The following ZCCHC14 variants were observed in gnomAD, a reference collection of about 807,000 sequenced individuals.
ZCCHC14 encodes zinc finger CCHC domain-containing protein 14.
In ZCCHC14, 16 loss-of-function variants were observed where a neutral mutation model predicts 85.0. That is an observed-to-expected ratio of 0.19 (90% CI 0.13 to 0.29). ZCCHC14 has a LOEUF of 0.29. Among genes scored for constraint, ZCCHC14 ranks in the 10% least tolerant of loss-of-function variants. The probability of loss-of-function intolerance (pLI) is 1.00; values close to 1 mark genes in which losing one functional copy is unlikely to be tolerated. For synonymous variants in ZCCHC14, 775 were observed against 630.7 expected (o/e 1.23, Z -3.43); for missense variants, 1,303 against 1,443.5 (o/e 0.90, Z 1.58).
At chr16:87,467,915 T>G (rs1168658696) in intron 1 of ZCCHC14, among the ~76,000 whole-genome samples, 1 of 152,170 alleles carries the variant, frequency 6.6e-6, no homozygotes, top group Non-Finnish European at 1.5e-5. Flanking sequence ...CCTCCCAAAG[T>G]GCTGGGATTA....
chr16:87,467,282 C>A (rs1295569303), intron 1 of ZCCHC14: 7 of 1,578,418 alleles, frequency 4.4e-6, no homozygotes, highest in Non-Finnish European at 6.1e-6. Flanking sequence ...TAATGGAGAT[C>A]TGGTTTTTAT....
intron 2 of ZCCHC14, 73 bp downstream of exon 2, chr16:87,459,935 C>T (rs1911172197): frequency 1.3e-6 from 2 of 1,594,702 alleles, no homozygotes; most frequent in South Asian, 2.2e-5. Context: ...TTTAACAATG[C>T]CCTCACGGGG....
At chr16:87,476,103 G>C (rs1911993468) in intron 1 of ZCCHC14, among the ~76,000 whole-genome samples, 1 of 152,148 alleles carries the variant, frequency 6.6e-6, no homozygotes, top group African/African-American at 2.4e-5. Context: ...TGCCAACAAA[G>C]GACCTCACGT....
At chr16:87,483,869 T>C (rs991751175) in intron 1 of ZCCHC14, among the ~76,000 whole-genome samples, 94 of 152,226 alleles carry the variant, frequency 6.2e-4, no homozygotes, top group Non-Finnish European at 1.8e-4. Flanking sequence ...CTGCTGTCTG[T>C]AACATGTAGG....
Position 87,412,010 on chromosome 16 carries a change from T to C in ZCCHC14, c.2711A>G (p.His904Arg). The change falls in exon 12 of 13, where the codon CAC becomes CGC. Residue 904 changes from histidine to arginine, a missense_variant. Physicochemically the swap from His to Arg is conservative, Grantham distance 29. Around this residue, in one of 7 missense-constraint regions of ZCCHC14, gnomAD observed 797 missense variants for 730.8 expected, o/e 1.09. Coordinates refer to ENST00000671377, the MANE Select transcript of ZCCHC14 (RefSeq NM_015144.3). ...PASNPNHHHH[H>R]HHQQPPAPPQ... Reference sequence around the variant, plus strand: ...GGGTGCCGGGGGCTGCTGATGGTGGTGGTGGTGGTGGTGGTTCGGATTCGA... The same window carrying C: ...GGGTGCCGGGGGCTGCTGATGGTGGCGGTGGTGGTGGTGGTTCGGATTCGA... 3 of 1,608,850 alleles carry C rather than the reference T, an allele frequency of 1.9e-6. No homozygotes were observed. Among genetic ancestry groups the C allele is most frequent in the Non-Finnish European group, 2.5e-6 (3 of 1,179,718 alleles).
intron 2 of ZCCHC14, among the ~76,000 whole-genome samples, chr16:87,459,751 C>T (rs1200088872): frequency 2.6e-5 from 4 of 152,066 alleles, no homozygotes; most frequent in African/African-American, 9.7e-5. Context: ...TCAGGTGATC[C>T]GCCCACCTCA....
chr16:87,424,021 A>G, intron 3 of ZCCHC14, 140 bp from the exon 4 acceptor site: 1 of 762,756 alleles, frequency 1.3e-6, no homozygotes, highest in Non-Finnish European at 2.1e-6. Context: ...GGAAGCACCT[A>G]AGCATCCCTT....
intron 3 of ZCCHC14, among the ~76,000 whole-genome samples, chr16:87,432,556 TC>T: frequency 6.6e-6 from 1 of 152,202 alleles, no homozygotes; most frequent in East Asian, 1.9e-4. Context: ...ACCCTCAGGT[TC>T]TGATGGGGTA....
At chr16:87,415,121 T>C (rs1002126235) in intron 9 of ZCCHC14, among the ~76,000 whole-genome samples, 155 bp downstream of exon 9, 2 of 151,966 alleles carry the variant, frequency 1.3e-5, no homozygotes, top group Non-Finnish European at 2.9e-5. Flanking sequence ...TCTCAAAAAA[T>C]AAATAAATAA....
chr16:87,483,787 G>A (rs754003566), intron 1 of ZCCHC14, among the ~76,000 whole-genome samples: 1 of 152,192 alleles, frequency 6.6e-6, no homozygotes, highest in Non-Finnish European at 1.5e-5. Flanking sequence ...CAAAAGCACA[G>A]ACCATTTGAC....
chr16:87,422,584 G>C (rs1194967910), intron 4 of ZCCHC14, among the ~76,000 whole-genome samples: 1 of 151,030 alleles, frequency 6.6e-6, no homozygotes, highest in African/African-American at 2.4e-5. Context: ...AAAAAAAAGA[G>C]AGAGAGCTGG....
intron 3 of ZCCHC14, among the ~76,000 whole-genome samples, chr16:87,428,598 G>A (rs999762650): frequency 6.6e-5 from 10 of 152,114 alleles, no homozygotes; most frequent in African/African-American, 1.9e-4. Context: ...TGAACTGCAC[G>A]TATTTAAAGG....
At chr16:87,485,621 T>C (rs1696111338) in intron 1 of ZCCHC14, among the ~76,000 whole-genome samples, 1 of 151,662 alleles carries the variant, frequency 6.6e-6, no homozygotes, top group Admixed American at 6.6e-5. Flanking sequence ...GAAGAATCTT[T>C]TTCTAAAATC....
At chr16:87,441,497 T>C (rs887771150) in intron 2 of ZCCHC14, among the ~76,000 whole-genome samples, 6 of 152,212 alleles carry the variant, frequency 3.9e-5, no homozygotes, top group Non-Finnish European at 7.3e-5. Context: ...TGTAGTTCTA[T>C]TGGATTCAAG....
At chr16:87,490,552 T>A (rs1312523558) in intron 1 of ZCCHC14, among the ~76,000 whole-genome samples, 1 of 152,218 alleles carries the variant, frequency 6.6e-6, no homozygotes, top group Non-Finnish European at 1.5e-5. Flanking sequence ...AGACAAAAGT[T>A]CACATCGCTA....
Position 87,412,327 on chromosome 16 carries a change from C to T in ZCCHC14, c.2394G>A (p.Val798=). The T allele has an allele frequency of 6.2e-7, 1 of 1,614,038 alleles. No individual in the cohort carries two copies. Among genetic ancestry groups the T allele is most frequent in the South Asian group, 1.1e-5 (1 of 91,086 alleles). Residue 798 remains valine (V), a synonymous_variant, in exon 12 of 13, where the codon GTG becomes GTA. Coordinates refer to ENST00000671377, the MANE Select transcript of ZCCHC14 (RefSeq NM_015144.3). ...TTATTGCAGGGGGCACACTTATTTG[C>T]ACATTATTAGGACAGGAAGTTTGCC... The part of the protein sequence containing the change: ...ISGQTSCPNN[V]QISVPPAIIN...
rs558156050 is a variant in ZCCHC14, at chr16:87,417,978, G to A, written c.1101-236C>T. On this transcript the variant is annotated intron_variant, in intron 7 of 12. Coordinates refer to ENST00000671377, the MANE Select transcript of ZCCHC14 (RefSeq NM_015144.3). Reference sequence around the variant, plus strand: ...TGTCTGTGCACACGTGTGCATACAGGCGGCTGTGCATATACACACACATGC... The same window carrying A: ...TGTCTGTGCACACGTGTGCATACAGACGGCTGTGCATATACACACACATGC... 7.5e-6 allele frequency: 4 copies of A among 536,442 alleles called. No individual in the cohort carries two copies. In the African/African-American group the frequency reaches 7.5e-5, roughly 10 times the overall value. The allele number at this position is 536,442 out of a possible 1,614,324, so 33.2% of individuals were successfully genotyped here. A position where few individuals can be genotyped will look rare whatever the true frequency, so the allele number is the denominator to read the frequency against.
chr16:87,437,283 C>A (rs1192836660), intron 2 of ZCCHC14, among the ~76,000 whole-genome samples: 1 of 135,280 alleles, frequency 7.4e-6, no homozygotes, highest in Non-Finnish European at 1.5e-5. Flanking sequence ...TGGCAGTGAG[C>A]TGAGATTTGC....
In ZCCHC14 at chr16:87,491,202, G is replaced by A. The variant is rs950658207; in HGVS notation, c.570+467C>T. ...TGAGCTCTGACCGCGGACGTCTCCCGCACCGCTCCCGCGGATCCTCGGACC... is the reference window on the plus strand; with the variant it reads ...TGAGCTCTGACCGCGGACGTCTCCCACACCGCTCCCGCGGATCCTCGGACC... On this transcript the variant is annotated intron_variant, in intron 1 of 12. Transcript: ENST00000671377. This position sits in a 1 kb window ranked among gnomAD's most constrained non-coding sequence, Gnocchi z 5.9. 6.6e-6 allele frequency among the ~76,000 whole-genome samples: 1 copy of A among 152,238 alleles called. No individual in the cohort carries two copies. The highest frequency in any genetic ancestry group is 2.4e-5 in the African/African-American group (1 of 41,462).
Sources: allele counts gnomAD v4.1 joint callset (sites outside exome capture counted in the v4.1 genomes callset), GRCh38; gene constraint gnomAD v4.1.1; regional missense constraint gnomAD v4.1.1; non-coding constraint Gnocchi (gnomAD v3.1); transcripts MANE v1.5; gene names NCBI Gene and HGNC (gene_info 2026-07-23, HGNC 2026-07-21).